The following SHLD2 variants were observed in gnomAD, a reference collection of about 807,000 sequenced individuals.
SHLD2 encodes the protein RINN1-REV7-interacting novel NHEJ regulator 2.
In SHLD2, 30 loss-of-function variants were observed where a neutral mutation model predicts 73.2. That is an observed-to-expected ratio of 0.41 (90% confidence interval 0.31 to 0.56). The LOEUF (loss-of-function observed/expected upper bound fraction) is 0.56, where lower values mean the gene tolerates loss of function less well. Among genes scored for constraint, SHLD2 ranks in the 20% least tolerant of loss-of-function variants. The pLI is 0.28. For synonymous variants in SHLD2, 285 were observed against 370.1 expected (o/e 0.77, Z 2.64); for missense variants, 745 against 1,055.9 (o/e 0.71, Z 4.08).
intron 2 of SHLD2, among the ~76,000 whole-genome samples, chr10:87,110,994 C>T (rs921986725): frequency 3.3e-5 from 5 of 151,732 alleles, no homozygotes; most frequent in African/African-American, 9.7e-5. Flanking sequence ...CAGGCGCGCA[C>T]CACCACGCCT....
chr10:87,118,309 C>T (rs1006145570), intron 2 of SHLD2, among the ~76,000 whole-genome samples: 14 of 152,166 alleles, frequency 9.2e-5, no homozygotes, highest in Admixed American at 7.9e-4. Context: ...CAGTTGTCCA[C>T]GGCATGGACC....
intron 1 of SHLD2, among the ~76,000 whole-genome samples, chr10:87,095,535 C>T (rs1243434175): frequency 6.6e-6 from 1 of 152,184 alleles, no homozygotes; most frequent in African/African-American, 2.4e-5. Context: ...GGCAGAGCCG[C>T]CGCCGCGTAA....
chr10:87,131,437 G>A (rs1844421142), intron 2 of SHLD2, among the ~76,000 whole-genome samples: 1 of 152,114 alleles, frequency 6.6e-6, no homozygotes, highest in Non-Finnish European at 1.5e-5. Flanking sequence ...GCCTTTTGTG[G>A]ATATTTCATA....
intron 4 of SHLD2, among the ~76,000 whole-genome samples, chr10:87,162,624 G>A (rs182948827): frequency 3.5e-4 from 53 of 152,232 alleles, no homozygotes; most frequent in African/African-American, 1.1e-3. Flanking sequence ...AGCCCAGGAG[G>A]TCGAGGCTGC....
intron 2 of SHLD2, among the ~76,000 whole-genome samples, chr10:87,116,886 G>A (rs1438292928): frequency 6.6e-6 from 1 of 152,180 alleles, no homozygotes; most frequent in Non-Finnish European, 1.5e-5. Flanking sequence ...TTTCAGTAGC[G>A]AGAGTGTTTG....
intron 6 of SHLD2, among the ~76,000 whole-genome samples, chr10:87,171,479 A>G (rs1241803903): frequency 2.6e-5 from 4 of 152,114 alleles, no homozygotes; most frequent in Non-Finnish European, 4.4e-5. Flanking sequence ...TTAAAATATG[A>G]CCCATGATTA....
chr10:87,094,619 G>C (rs1424116027), upstream of SHLD2: 2 of 1,609,976 alleles, frequency 1.2e-6, no homozygotes, highest in African/African-American at 2.7e-5. This position sits in a 1 kb window ranked among gnomAD's most constrained non-coding sequence, Gnocchi z 6.6. Flanking sequence ...CTGTAGTGGC[G>C]CCGGGCGGCC....
intron 4 of SHLD2, among the ~76,000 whole-genome samples, chr10:87,164,580 G>A (rs948533005): frequency 4.6e-5 from 7 of 152,284 alleles, no homozygotes; most frequent in Non-Finnish European, 8.8e-5. Context: ...AAAGGAAACA[G>A]CTCTGCTAAA....
chr10:87,163,985 T>C (rs1359012949), intron 4 of SHLD2, among the ~76,000 whole-genome samples: 1 of 149,858 alleles, frequency 6.7e-6, no homozygotes. Flanking sequence ...TGAGATGGAC[T>C]CTTGTTCTGT....
chr10:87,187,825 C>T (rs1848708675), intron 9 of SHLD2, among the ~76,000 whole-genome samples: 2 of 152,098 alleles, frequency 1.3e-5, no homozygotes, highest in South Asian at 4.1e-4. Flanking sequence ...TACCTGGAAA[C>T]AGGCATGCCT....
intron 2 of SHLD2, among the ~76,000 whole-genome samples, chr10:87,139,204 G>C (rs1178360288): frequency 6.6e-6 from 1 of 151,750 alleles, no homozygotes; most frequent in Non-Finnish European, 1.5e-5. Flanking sequence ...ATTGGCTAGA[G>C]TCTTCAAAGT....
At chr10:87,112,966 G>A (rs1343546922) in intron 2 of SHLD2, among the ~76,000 whole-genome samples, 4 of 152,150 alleles carry the variant, frequency 2.6e-5, no homozygotes, top group Non-Finnish European at 4.4e-5. Flanking sequence ...GTTAATAGCA[G>A]CAATATTCAT....
intron 2 of SHLD2, among the ~76,000 whole-genome samples, chr10:87,122,247 C>G (rs1316383940): frequency 6.7e-6 from 1 of 149,998 alleles, no homozygotes; most frequent in East Asian, 1.9e-4. Context: ...AGTGCTACAG[C>G]AGACCAAGGT....
chr10:87,147,367 G>C (rs1845701566), intron 2 of SHLD2, among the ~76,000 whole-genome samples: 1 of 151,820 alleles, frequency 6.6e-6, no homozygotes, highest in South Asian at 2.1e-4. Flanking sequence ...AAGAGAGAGA[G>C]AGAGAAATTG....
intron 2 of SHLD2, among the ~76,000 whole-genome samples, chr10:87,130,289 G>GAA (rs1844335594): frequency 7.0e-6 from 1 of 141,912 alleles, no homozygotes; most frequent in Admixed American, 7.6e-5. Flanking sequence ...TGAAAAGGGA[G>GAA]AGGTCTTTTA....
intron 2 of SHLD2, among the ~76,000 whole-genome samples, chr10:87,121,326 T>C (rs556703371): frequency 1.3e-5 from 2 of 152,196 alleles, no homozygotes; most frequent in East Asian, 1.9e-4. Flanking sequence ...AGTTTCACCA[T>C]GTTGCCCAGG....
intron 2 of SHLD2, among the ~76,000 whole-genome samples, chr10:87,150,970 C>T (rs1290552723): frequency 3.3e-5 from 5 of 151,900 alleles, no homozygotes; most frequent in East Asian, 4.0e-4. Context: ...GGACTACAGG[C>T]GTGTGCTACC....
intron 7 of SHLD2, among the ~76,000 whole-genome samples, chr10:87,177,664 G>A (rs1472534107): frequency 2.0e-5 from 3 of 152,172 alleles, no homozygotes; most frequent in Non-Finnish European, 4.4e-5. Flanking sequence ...TTAAACAAAA[G>A]GAGAAAGAGA....
intron 3 of SHLD2, among the ~76,000 whole-genome samples, 198 bp downstream of exon 3, chr10:87,153,077 T>C (rs1351305245): frequency 6.6e-6 from 1 of 152,206 alleles, no homozygotes; most frequent in Non-Finnish European, 1.5e-5. Flanking sequence ...TCTGGGCCTC[T>C]GTTCTATCCT....
Sources: gnomAD v4.1 joint callset for allele counts (sites outside exome capture counted in the v4.1 genomes callset) on GRCh38, gnomAD v4.1.1 for gene constraint, Gnocchi (gnomAD v3.1) non-coding constraint, MANE v1.5 for transcripts, NCBI Gene and HGNC (gene_info 2026-07-23, HGNC 2026-07-21) for gene names.